FAM117B: variants seen among roughly 807,000 people sequenced by gnomAD.
The protein encoded by FAM117B is family with sequence similarity 117 member B, also known as protein FAM117B.
In FAM117B, 22 loss-of-function variants were observed where a neutral mutation model predicts 52.8. The observed-to-expected ratio is 0.42, with a 90% CI of 0.30 to 0.59. The LOEUF is 0.59. Ranked by LOEUF, FAM117B falls within the 20% of genes least tolerant of loss-of-function variation. The pLI, the probability that FAM117B is intolerant of heterozygous loss-of-function variation, is 0.22. For missense variants in FAM117B, 678 were observed against 802.6 expected, an observed-to-expected ratio of 0.84 and a Z score of 1.88; for synonymous variants, 309 against 324.1, an observed-to-expected ratio of 0.95 and a Z score of 0.50.
At chr2:202,677,100 G>A (rs931858619) in intron 1 of FAM117B, among the ~76,000 whole-genome samples, 2 of 145,902 alleles carry the variant, frequency 1.4e-5, no homozygotes, top group Admixed American at 1.4e-4. Context: ...AGACAGTCTC[G>A]CTCTGTCACC....
At chr2:202,714,533 CTTT>C (rs1034689626) in intron 2 of FAM117B, among the ~76,000 whole-genome samples, 2 of 117,658 alleles carry the variant, frequency 1.7e-5, no homozygotes, top group East Asian at 2.3e-4. Context: ...TTTTTTTTTT[CTTT>C]TTTTTTTTTT....
At chr2:202,741,534 GA>G (rs928999372) in intron 4 of FAM117B, among the ~76,000 whole-genome samples, 5 of 141,856 alleles carry the variant, frequency 3.5e-5, no homozygotes, top group Admixed American at 1.4e-4. Context: ...TAAAACCAAT[GA>G]AAAAAAATTT....
chr2:202,710,076 T>C (rs1240698660), intron 2 of FAM117B, among the ~76,000 whole-genome samples: 1 of 152,208 alleles, frequency 6.6e-6, no homozygotes, highest in East Asian at 1.9e-4. Flanking sequence ...CCTCTAGCTT[T>C]GTTCTTTCTC....
intron 2 of FAM117B, among the ~76,000 whole-genome samples, chr2:202,704,094 A>G (rs901454237): frequency 2.6e-5 from 4 of 152,158 alleles, no homozygotes; most frequent in African/African-American, 9.7e-5. Flanking sequence ...GGCCATTTGC[A>G]TATCTCCTTT....
intron 1 of FAM117B, among the ~76,000 whole-genome samples, chr2:202,658,561 C>T (rs1283081764): frequency 6.6e-6 from 1 of 152,146 alleles, no homozygotes; most frequent in Admixed American, 6.5e-5. Flanking sequence ...TTTGACCTCC[C>T]AAGGTGTTGG....
At chr2:202,655,671 A>G (rs1690040701) in intron 1 of FAM117B, among the ~76,000 whole-genome samples, 1 of 149,062 alleles carries the variant, frequency 6.7e-6, no homozygotes, top group Non-Finnish European at 1.5e-5. Flanking sequence ...TTCCCCAGTG[A>G]AATCATCTTG....
chr2:202,710,539 A>T (rs1198960391), intron 2 of FAM117B, among the ~76,000 whole-genome samples: 1 of 152,182 alleles, frequency 6.6e-6, no homozygotes, highest in South Asian at 2.1e-4. Context: ...CACCTCAAGC[A>T]TTTATAATTT....
rs779196369 is a variant in FAM117B at position 202,755,716 on chromosome 2, C to A, written c.1104+35C>A. The A allele has an allele frequency of 5.7e-6, 9 of 1,576,616 alleles. No individual in the cohort carries two copies. In the Admixed American group the frequency reaches 1.4e-4, roughly 24 times the overall value. ...CTTGTATCTTAAAATCATTCTTGAA[C>A]TCTTATAATTATTAAAAATGCACAG... On this transcript the variant is annotated intron_variant, in intron 5 of 7. Transcript: ENST00000392238.
chr2:202,693,288 A>G (rs1450325757), intron 1 of FAM117B, among the ~76,000 whole-genome samples: 1 of 152,178 alleles, frequency 6.6e-6, no homozygotes, highest in Non-Finnish European at 1.5e-5. Flanking sequence ...GGTTAGGTGC[A>G]TACTTTTTCC....
At chr2:202,657,839 G>A (rs1690074834) in intron 1 of FAM117B, among the ~76,000 whole-genome samples, 1 of 152,036 alleles carries the variant, frequency 6.6e-6, no homozygotes, top group South Asian at 2.1e-4. Flanking sequence ...TTGCTTGACT[G>A]TTGTCTTAGT....
At chr2:202,707,521 T>C (rs1690891278) in intron 2 of FAM117B, among the ~76,000 whole-genome samples, 1 of 151,950 alleles carries the variant, frequency 6.6e-6, no homozygotes, top group African/African-American at 2.4e-5. Context: ...CTGGCCAACA[T>C]GGTGAAACCC....
intron 1 of FAM117B, among the ~76,000 whole-genome samples, chr2:202,694,631 A>G (rs915846771): frequency 2.6e-5 from 4 of 152,124 alleles, no homozygotes; most frequent in Non-Finnish European, 5.9e-5. Flanking sequence ...TATATTGGCA[A>G]ATACCCACTT....
chr2:202,642,365 A>ATATATATATATATATATATATATATAT (rs1559092461), intron 1 of FAM117B, among the ~76,000 whole-genome samples: 2 of 148,542 alleles, frequency 1.3e-5, no homozygotes, highest in Admixed American at 6.7e-5. Context: ...ATATATATAT[A>ATATATATATATATATATATATATATAT]AAATGAGTAG....
Position 202,765,868 on chromosome 2 carries a change from C to T in FAM117B, c.*104C>T, listed in dbSNP as rs1233313742. The T allele has an allele frequency of 8.2e-7, 1 of 1,214,492 alleles. No homozygotes were observed. The highest frequency in any genetic ancestry group is 1.1e-6 in the Non-Finnish European group (1 of 876,134). The allele number at this position is 1,214,492 out of a possible 1,614,324, so 75.2% of individuals were successfully genotyped here. ...TCTGGTCGGCTGTGATGTGCTCCAGCTTTCCAGTGACATGTGACGGCGAGG... is the reference window on the plus strand; with the variant it reads ...TCTGGTCGGCTGTGATGTGCTCCAGTTTTCCAGTGACATGTGACGGCGAGG... On this transcript the variant is annotated 3_prime_UTR_variant, in exon 8 of 8. Transcript: ENST00000392238.
chr2:202,709,493 C>G (rs1003126304), intron 2 of FAM117B, among the ~76,000 whole-genome samples: 1 of 152,308 alleles, frequency 6.6e-6, no homozygotes, highest in East Asian at 1.9e-4. Flanking sequence ...TGAGCCACCA[C>G]GCCTGGCCAG....
intron 4 of FAM117B, among the ~76,000 whole-genome samples, chr2:202,726,569 C>G (rs552406745): frequency 6.6e-6 from 1 of 152,114 alleles, no homozygotes; most frequent in Non-Finnish European, 1.5e-5. Flanking sequence ...GATACGACTT[C>G]TAGGAGACAT....
intron 7 of FAM117B, among the ~76,000 whole-genome samples, chr2:202,762,521 A>T (rs1691906071): frequency 6.6e-6 from 1 of 152,212 alleles, no homozygotes; most frequent in Non-Finnish European, 1.5e-5. Flanking sequence ...TTTTTAAGTT[A>T]TATCTACTTT....
chr2:202,664,474 C>G (rs1484975645), intron 1 of FAM117B, among the ~76,000 whole-genome samples: 1 of 152,100 alleles, frequency 6.6e-6, no homozygotes, highest in Non-Finnish European at 1.5e-5. Context: ...GGCATTGGCC[C>G]TGGATACATG....
intron 1 of FAM117B, among the ~76,000 whole-genome samples, chr2:202,673,231 G>A (rs1362138276): frequency 6.6e-6 from 1 of 152,052 alleles, no homozygotes; most frequent in African/African-American, 2.4e-5. Flanking sequence ...TACAACGGGA[G>A]TCCAGAAGGG....
Sources: allele counts gnomAD v4.1 joint callset (sites outside exome capture counted in the v4.1 genomes callset), GRCh38; gene constraint gnomAD v4.1.1; transcripts MANE v1.5; gene names NCBI Gene and HGNC (gene_info 2026-07-23, HGNC 2026-07-21).